Variants in KCNN2 observed in about 807,000 individuals in gnomAD.
KCNN2 encodes the protein potassium calcium-activated channel subfamily N member 2.
KCNN2 carries 24 observed loss-of-function variants against 55.5 expected under a neutral mutation model. The observed-to-expected ratio is 0.43, with a 90% CI of 0.31 to 0.61. The LOEUF is 0.61. Among genes scored for constraint, KCNN2 ranks in the 20% least tolerant of loss-of-function variants. The pLI is 0.08. For missense variants in KCNN2, 754 were observed against 853.6 expected (o/e 0.88, Z 1.45); for synonymous variants, 431 against 336.1 (o/e 1.28, Z -3.09).
At chr5:114,457,685 G>A (rs1760995710) in intron 3 of KCNN2, among the ~76,000 whole-genome samples, 1 of 152,094 alleles carries the variant, frequency 6.6e-6, no homozygotes, top group Non-Finnish European at 1.5e-5. Context: ...CTCTGTACAG[G>A]TCTCTCCTTT....
At position 114,215,703 on chromosome 5, in the gene KCNN2, A is replaced by G. The variant is rs560344390; in HGVS notation, c.-270-5777A>G. On this transcript the variant is annotated intron_variant, in intron 1 of 10. Transcript: ENST00000512097. ...TGGACACCTGCCTCTGGGAAGAGAC[A>G]AGATGGCAATAATCGACTGTTTTCT... Among the ~76,000 whole-genome samples the G allele has an allele frequency of 2.0e-5, 3 of 152,266 alleles. No homozygotes were observed. The South Asian group carries it at 6.2e-4, about 32-fold the overall frequency.
At chr5:114,363,856 G>C (rs777389208) in intron 1 of KCNN2, 50 bp from the exon 2 acceptor site, 1 of 1,378,276 alleles carries the variant, frequency 7.3e-7, no homozygotes, top group Non-Finnish European at 1.0e-6. Flanking sequence ...CGTGGAAGGC[G>C]GTTAAAAGTG....
chr5:114,140,262 T>G (rs1281839814), intron 1 of KCNN2, among the ~76,000 whole-genome samples: 3 of 152,218 alleles, frequency 2.0e-5, no homozygotes, highest in Admixed American at 2.0e-4. Flanking sequence ...TTTGCTGACA[T>G]ATAGTACGAG....
intron 2 of KCNN2, among the ~76,000 whole-genome samples, chr5:114,314,978 A>C (rs1756471542): frequency 6.6e-6 from 1 of 152,182 alleles, no homozygotes; most frequent in African/African-American, 2.4e-5. Context: ...ACAAGAACAC[A>C]GAGGTTTGAT....
intron 3 of KCNN2, among the ~76,000 whole-genome samples, chr5:114,410,962 A>G (rs1759112077): frequency 6.6e-6 from 1 of 152,248 alleles, no homozygotes; most frequent in African/African-American, 2.4e-5. Flanking sequence ...CTGGAGAAGC[A>G]TAATGCAACT....
At chr5:114,372,382 C>G (rs907572561) in intron 2 of KCNN2, among the ~76,000 whole-genome samples, 4 of 152,150 alleles carry the variant, frequency 2.6e-5, no homozygotes, top group African/African-American at 9.7e-5. Context: ...TATTAGCCAC[C>G]TCACATTTCT....
rs553315408 is a variant in KCNN2 at position 114,466,821 on chromosome 5, T to G, written c.1779+3631T>G. On this transcript the variant is annotated intron_variant, in intron 4 of 7. Coordinates refer to ENST00000673685, the MANE Select transcript of KCNN2 (RefSeq NM_021614.4). ...CACTAGACTTTGACAACATCTAGCA[T>G]GACTCCCTCAACAAAACTGAGGACA... 2.6e-5 allele frequency among the ~76,000 whole-genome samples: 4 copies of G among 152,328 alleles called. No homozygotes were observed. In the South Asian group the frequency reaches 8.3e-4, roughly 32 times the overall value.
At chr5:114,418,231 T>A (rs1354081535) in intron 3 of KCNN2, among the ~76,000 whole-genome samples, 1 of 152,220 alleles carries the variant, frequency 6.6e-6, no homozygotes, top group Admixed American at 6.5e-5. Context: ...TAACAAAGGT[T>A]AATAAGGAAA....
At chr5:114,207,221 A>G (rs375002733) in intron 1 of KCNN2, among the ~76,000 whole-genome samples, 1 of 152,128 alleles carries the variant, frequency 6.6e-6, no homozygotes. Flanking sequence ...CTCTCTGAGC[A>G]TATAGAAAAC....
chr5:114,491,749 G>A (rs1398260966), intron 6 of KCNN2, among the ~76,000 whole-genome samples: 1 of 152,022 alleles, frequency 6.6e-6, no homozygotes, highest in Non-Finnish European at 1.5e-5. Flanking sequence ...TCATATGTGA[G>A]GAAACTAAAG....
At chr5:114,317,643 G>A (rs1756525851) in intron 2 of KCNN2, among the ~76,000 whole-genome samples, 1 of 152,130 alleles carries the variant, frequency 6.6e-6, no homozygotes, top group Non-Finnish European at 1.5e-5. Context: ...ATTCTGAAGA[G>A]TCCTGCACCT....
At chr5:114,289,682 C>A (rs1755842850) in intron 2 of KCNN2, among the ~76,000 whole-genome samples, 1 of 152,126 alleles carries the variant, frequency 6.6e-6, no homozygotes, top group Admixed American at 6.5e-5. Flanking sequence ...TGGCCTGAAT[C>A]AACTTTTCTA....
At chr5:114,460,480 G>A (rs1319906200) in intron 3 of KCNN2, among the ~76,000 whole-genome samples, 1 of 152,136 alleles carries the variant, frequency 6.6e-6, no homozygotes, top group Admixed American at 6.6e-5. Flanking sequence ...CTGACCTCAG[G>A]AGATCCACCT....
At chr5:114,209,133 T>G (rs1753829072) in intron 1 of KCNN2, among the ~76,000 whole-genome samples, 1 of 151,878 alleles carries the variant, frequency 6.6e-6, no homozygotes, top group Non-Finnish European at 1.5e-5. Flanking sequence ...CCTGGCTCAC[T>G]GCAGCCTCAC....
At chr5:114,373,990 TC>T (rs1344564269) in intron 2 of KCNN2, among the ~76,000 whole-genome samples, 1 of 152,034 alleles carries the variant, frequency 6.6e-6, no homozygotes, top group Non-Finnish European at 1.5e-5. Context: ...TTCTGAATCT[TC>T]CTGTGAGCAG....
At chr5:114,277,819 C>T (rs1276625148) in intron 2 of KCNN2, among the ~76,000 whole-genome samples, 1 of 152,036 alleles carries the variant, frequency 6.6e-6, no homozygotes, top group African/African-American at 2.4e-5. Context: ...TTATTACCGA[C>T]CTTCTGAAGT....
At chr5:114,124,459 C>G (rs4389680) in intron 1 of KCNN2, among the ~76,000 whole-genome samples, 1 of 152,044 alleles carries the variant, frequency 6.6e-6, no homozygotes, top group Non-Finnish European at 1.5e-5. Flanking sequence ...GCCTCAAAAA[C>G]CATGATCTGC....
chr5:114,224,937 G>A (rs998274825), intron 2 of KCNN2, among the ~76,000 whole-genome samples: 3 of 152,102 alleles, frequency 2.0e-5, no homozygotes, highest in Admixed American at 2.0e-4. Flanking sequence ...ATTCTAGATA[G>A]TAAAACTTTC....
intron 1 of KCNN2, among the ~76,000 whole-genome samples, chr5:114,216,296 A>G (rs924816501): frequency 6.6e-6 from 1 of 152,184 alleles, no homozygotes; most frequent in Non-Finnish European, 1.5e-5. Flanking sequence ...CTAACGTAGA[A>G]GATAATTGAC....
Sources: allele counts gnomAD v4.1 joint callset (sites outside exome capture counted in the v4.1 genomes callset), GRCh38; gene constraint gnomAD v4.1.1; transcripts MANE v1.5; gene names NCBI Gene and HGNC (gene_info 2026-07-23, HGNC 2026-07-21).